CADPS2: variants seen among roughly 807,000 people sequenced by gnomAD.
CADPS2 encodes calcium-dependent secretion activator 2.
CADPS2 carries 93 observed loss-of-function variants against 172.5 expected under a neutral mutation model. That is an observed-to-expected ratio of 0.54 (90% CI 0.46 to 0.64). CADPS2 has a LOEUF of 0.64. CADPS2 is among the 30% of genes least tolerant of loss of function. CADPS2 has a pLI of 0.00. For synonymous variants in CADPS2, 546 were observed against 555.2 expected, an observed-to-expected ratio of 0.98 and a Z score of 0.23; for missense variants, 1,420 against 1,565.9, an observed-to-expected ratio of 0.91 and a Z score of 1.57.
intron 23 of CADPS2, 51 bp from the exon 24 acceptor site, chr7:122,387,224 C>T (rs528288641): frequency 6.6e-7 from 1 of 1,523,496 alleles, no homozygotes; most frequent in Admixed American, 2.0e-5. Context: ...ATACAGCTCA[C>T]CTGTTTTGTA....
At chr7:122,376,676 C>T (rs1242857051) in intron 25 of CADPS2, among the ~76,000 whole-genome samples, 1 of 152,076 alleles carries the variant, frequency 6.6e-6, no homozygotes, top group African/African-American at 2.4e-5. Flanking sequence ...GAAAACAACA[C>T]TATTTGCTAA....
chr7:122,781,044 T>C (rs1792571150), intron 1 of CADPS2, among the ~76,000 whole-genome samples: 1 of 152,224 alleles, frequency 6.6e-6, no homozygotes. Context: ...TATATAAGAA[T>C]ACTTTCTTAC....
intron 6 of CADPS2, among the ~76,000 whole-genome samples, chr7:122,614,618 C>T (rs2074684036): frequency 6.6e-6 from 1 of 152,108 alleles, no homozygotes. Context: ...TGAATTAAAG[C>T]GAACACTTAC....
intron 7 of CADPS2, among the ~76,000 whole-genome samples, chr7:122,564,867 A>ACACC (rs1337502293): frequency 6.6e-6 from 1 of 151,598 alleles, no homozygotes; most frequent in Admixed American, 6.6e-5. Context: ...ACACACACAC[A>ACACC]CACACACACA....
intron 25 of CADPS2, among the ~76,000 whole-genome samples, chr7:122,364,007 G>C (rs1272174690): frequency 1.3e-5 from 2 of 152,118 alleles, no homozygotes; most frequent in East Asian, 3.9e-4. Flanking sequence ...GGCAGAAGGA[G>C]GAAGGCTTTA....
At position 122,629,230 on chromosome 7, in the gene CADPS2, T is replaced by C. The variant is rs751109815; in HGVS notation, c.867+18A>G. 16 of 1,593,582 alleles carry C rather than the reference T, an allele frequency of 1.0e-5. No homozygotes were observed. The East Asian group carries it at 2.5e-4, about 25-fold the overall frequency. On this transcript the variant is annotated intron_variant, in intron 4 of 29. Transcript: ENST00000449022. ...AAAGAAAGGAATGTCATACAGTATG[T>C]CCAAGTTAATAATTTACCTTTGCCA... is the stretch of plus-strand genomic sequence containing the variant.
intron 8 of CADPS2, among the ~76,000 whole-genome samples, chr7:122,541,241 G>A (rs1375379869): frequency 3.3e-5 from 5 of 149,526 alleles, no homozygotes; most frequent in African/African-American, 4.9e-5. Context: ...CTGTTGCCCA[G>A]GTTGGAGTGC....
intron 1 of CADPS2, among the ~76,000 whole-genome samples, chr7:122,782,358 T>A (rs1034961418): frequency 6.9e-6 from 1 of 144,270 alleles, no homozygotes. Context: ...ATCCTGCTCA[T>A]TACTGAAACA....
chr7:122,634,046 T>A (rs2076823391), intron 3 of CADPS2, among the ~76,000 whole-genome samples: 1 of 152,198 alleles, frequency 6.6e-6, no homozygotes, highest in African/African-American at 2.4e-5. Context: ...TTGATTGCTG[T>A]GAATTAACTG....
chr7:122,353,182 T>C (rs1330566804), intron 27 of CADPS2, among the ~76,000 whole-genome samples: 1 of 152,042 alleles, frequency 6.6e-6, no homozygotes, highest in East Asian at 1.9e-4. Flanking sequence ...GGTGGGAAAA[T>C]GGAAGCCCAC....
intron 2 of CADPS2, among the ~76,000 whole-genome samples, chr7:122,731,769 C>T (rs1441653056): frequency 6.6e-6 from 1 of 151,624 alleles, no homozygotes; most frequent in Non-Finnish European, 1.5e-5. Context: ...TAACTGCCAA[C>T]TTTTATTAAG....
At chr7:122,618,099 ACTT>A (rs559571534) in intron 5 of CADPS2, among the ~76,000 whole-genome samples, 1 of 151,184 alleles carries the variant, frequency 6.6e-6, no homozygotes, top group Non-Finnish European at 1.5e-5. Context: ...CCCACTTTCC[ACTT>A]CTTAAGTGAA....
chr7:122,358,030 T>C (rs2039645663), intron 27 of CADPS2, among the ~76,000 whole-genome samples: 1 of 152,130 alleles, frequency 6.6e-6, no homozygotes, highest in Non-Finnish European at 1.5e-5. Flanking sequence ...TAAGGCTATA[T>C]TTAGCTTTAA....
At chr7:122,569,018 A>G (rs2066837198) in intron 7 of CADPS2, among the ~76,000 whole-genome samples, 1 of 152,160 alleles carries the variant, frequency 6.6e-6, no homozygotes. Flanking sequence ...ATAGTGTTGG[A>G]AGTTCTGGCC....
chr7:122,767,466 A>G (rs917532453), intron 1 of CADPS2, among the ~76,000 whole-genome samples: 1 of 151,992 alleles, frequency 6.6e-6, no homozygotes, highest in Admixed American at 6.6e-5. Flanking sequence ...TAGTTGTGCC[A>G]ACCATAGTGT....
rs557940255 is a variant in CADPS2, at chr7:122,422,891, A to G, written c.2477-6727T>C. On this transcript the variant is annotated intron_variant, in intron 17 of 29. Coordinates refer to ENST00000449022, the MANE Select transcript of CADPS2 (RefSeq NM_017954.11). ...GAAGAATTGCTTGAACCTGGGAGGC[A>G]GAGGTTGCAGTGAGCCGAGATCGCG... 6.6e-5 allele frequency among the ~76,000 whole-genome samples: 10 copies of G among 152,148 alleles called. No individual in the cohort carries two copies. The South Asian group carries it at 2.1e-3, about 32-fold the overall frequency.
At chr7:122,486,608 G>A (rs898030851) in intron 11 of CADPS2, among the ~76,000 whole-genome samples, 1 of 152,196 alleles carries the variant, frequency 6.6e-6, no homozygotes, top group Non-Finnish European at 1.5e-5. Flanking sequence ...GAACATTGTT[G>A]AAAGGACAAC....
At chr7:122,686,022 T>G (rs577180166) in intron 2 of CADPS2, among the ~76,000 whole-genome samples, 2 of 152,312 alleles carry the variant, frequency 1.3e-5, no homozygotes, top group African/African-American at 4.8e-5. Flanking sequence ...GACCCGAACC[T>G]AGAAATTTAC....
chr7:122,594,275 G>T (rs1261628436), intron 6 of CADPS2, among the ~76,000 whole-genome samples: 3 of 150,460 alleles, frequency 2.0e-5, no homozygotes, highest in Non-Finnish European at 4.4e-5. Context: ...TCTCAAAAAG[G>T]GGAAAAAAAA....
Sources: allele counts gnomAD v4.1 joint callset (sites outside exome capture counted in the v4.1 genomes callset), GRCh38; gene constraint gnomAD v4.1.1; transcripts MANE v1.5; gene names NCBI Gene and HGNC (gene_info 2026-07-23, HGNC 2026-07-21).